MLLT10: variants seen among roughly 807,000 people sequenced by gnomAD.
MLLT10 encodes protein AF-10.
In MLLT10, 30 loss-of-function variants were observed where a neutral mutation model predicts 129.1. The ratio of observed to expected loss-of-function variants is 0.23; its 90% CI spans 0.17 to 0.32. MLLT10 has a LOEUF of 0.32. MLLT10 is among the 10% of genes least tolerant of loss of function. The probability of loss-of-function intolerance (pLI) is 1.00; values close to 1 mark genes in which losing one functional copy is unlikely to be tolerated. For missense variants in MLLT10, 1,119 were observed against 1,268.3 expected (o/e 0.88, Z 1.79); for synonymous variants, 490 against 446.4 (o/e 1.10, Z -1.23).
At chr10:21,702,126 CA>C (rs2054990161) in intron 13 of MLLT10, among the ~76,000 whole-genome samples, 1 of 150,430 alleles carries the variant, frequency 6.6e-6, no homozygotes, top group African/African-American at 2.5e-5. Flanking sequence ...GGGATTTCAC[CA>C]TGTTGGCCAG....
chr10:21,545,583 G>T (rs1472585240), intron 3 of MLLT10, among the ~76,000 whole-genome samples: 1 of 152,120 alleles, frequency 6.6e-6, no homozygotes, highest in Non-Finnish European at 1.5e-5. Flanking sequence ...TTTAAGGGAA[G>T]TTCTTTGTAG....
At chr10:21,549,844 G>A (rs1450281310) in intron 3 of MLLT10, among the ~76,000 whole-genome samples, 4 of 151,744 alleles carry the variant, frequency 2.6e-5, no homozygotes, top group Admixed American at 6.6e-5. Flanking sequence ...TCGCCATGTC[G>A]GCCAGGCTGG....
At chr10:21,604,517 A>G (rs1235866809) in intron 5 of MLLT10, among the ~76,000 whole-genome samples, 2 of 152,224 alleles carry the variant, frequency 1.3e-5, no homozygotes, top group Middle Eastern at 3.4e-3. Flanking sequence ...TGAAGCTGGG[A>G]GGCAGAGGTT....
chr10:21,612,753 G>C (rs1163535246), intron 6 of MLLT10, among the ~76,000 whole-genome samples: 1 of 152,156 alleles, frequency 6.6e-6, no homozygotes, highest in Non-Finnish European at 1.5e-5. Flanking sequence ...GATTAAATGA[G>C]CTAATCTAGG....
In MLLT10 at chr10:21,730,934, C is replaced by T. The variant is rs1270317787; in HGVS notation, c.2098C>T (p.Gln700Ter). ...AAGCAGCTTACAGATTCGCTATGAT[C>T]AACCAGGCAACAGCAGTTTGGAAAA... Reference protein sequence around the residue: ...PVSSLQIRYDQPGNSSLENLP... With the variant: ...PVSSLQIRYD The change falls in exon 17 of 23, where the codon CAA (glutamine) becomes TAA (stop). Residue 700 changes from glutamine (Q) to a stop codon, truncating the protein, a stop_gained. Coordinates refer to ENST00000307729, the MANE Select transcript of MLLT10 (RefSeq NM_001195626.3). LOFTEE classifies it high-confidence loss of function. 6.2e-7 allele frequency: 1 copy of T among 1,614,034 alleles called. No individual in the cohort carries two copies. Among genetic ancestry groups the T allele is most frequent in the Non-Finnish European group, 8.5e-7 (1 of 1,180,038 alleles).
At chr10:21,696,210 T>A (rs1034747616) in intron 13 of MLLT10, among the ~76,000 whole-genome samples, 2 of 152,030 alleles carry the variant, frequency 1.3e-5, no homozygotes, top group South Asian at 2.1e-4. Context: ...TTGATTATTA[T>A]TATTTTTTTT....
intron 4 of MLLT10, among the ~76,000 whole-genome samples, chr10:21,591,321 C>A (rs1240812558): frequency 6.6e-6 from 1 of 152,086 alleles, no homozygotes; most frequent in African/African-American, 2.4e-5. Flanking sequence ...AACCACTGTC[C>A]CCAGCCTATG....
intron 8 of MLLT10, among the ~76,000 whole-genome samples, chr10:21,623,433 T>G (rs570747625): frequency 2.0e-5 from 3 of 152,308 alleles, no homozygotes; most frequent in African/African-American, 7.2e-5. Context: ...AATCTGAGAA[T>G]AAGACCAAAT....
intron 1 of MLLT10, 25 bp downstream of exon 1, chr10:21,534,545 C>T (rs2033442536): frequency 1.5e-6 from 2 of 1,334,424 alleles, no homozygotes; most frequent in Non-Finnish European, 1.0e-6. Flanking sequence ...GGCTGCCGGG[C>T]CGGGCGGGGG....
Position 21,580,534 on chromosome 10 carries a change from G to A in MLLT10, c.241-5760G>A, listed in dbSNP as rs373802970. Among the ~76,000 whole-genome samples, 4 of 151,788 alleles carry A rather than the reference G, an allele frequency of 2.6e-5. No homozygotes were observed. The South Asian group carries it at 6.2e-4, about 24-fold the overall frequency. On this transcript the variant is annotated intron_variant, in intron 3 of 22. Coordinates refer to ENST00000307729, the MANE Select transcript of MLLT10 (RefSeq NM_001195626.3). Reference sequence around the variant, plus strand: ...TTCCTGAGTAGTGGGGACTACAGGCGCCCGCCACCACGCCTGGCTAACTTT... The same window carrying A: ...TTCCTGAGTAGTGGGGACTACAGGCACCCGCCACCACGCCTGGCTAACTTT...
Position 21,534,515 on chromosome 10 carries a change from G to C in MLLT10, c.-6G>C. On this transcript the variant is annotated 5_prime_UTR_variant, in exon 1 of 23. Transcript: ENST00000307729. Reference sequence around the variant, plus strand: ...GGAACGTGAGTGACTGAGCGGCAAAGCCCGAGTGAGCGAGCGGTGGGCTGC... The same window carrying C: ...GGAACGTGAGTGACTGAGCGGCAAACCCCGAGTGAGCGAGCGGTGGGCTGC... The C allele has an allele frequency of 1.0e-6, 1 of 988,324 alleles. No homozygotes were observed. The allele number at this position is 988,324 out of a possible 1,614,324, so 61.2% of individuals were successfully genotyped here.
chr10:21,669,065 G>GT, intron 9 of MLLT10: 1 of 1,357,552 alleles, frequency 7.4e-7, no homozygotes, highest in South Asian at 1.2e-5. Flanking sequence ...AAGCCATGAA[G>GT]TTTCATCAGC....
chr10:21,648,020 T>C (rs1248111497), intron 8 of MLLT10, among the ~76,000 whole-genome samples: 2 of 152,202 alleles, frequency 1.3e-5, no homozygotes, highest in African/African-American at 4.8e-5. Flanking sequence ...TTTTATTTTG[T>C]CTAAGATATT....
intron 8 of MLLT10, among the ~76,000 whole-genome samples, chr10:21,648,525 A>G (rs2048728275): frequency 6.6e-6 from 1 of 152,240 alleles, no homozygotes; most frequent in South Asian, 2.1e-4. Flanking sequence ...ACCTTGAAGA[A>G]CAAAGCCCAG....
chr10:21,589,673 T>C (rs1010011448), intron 4 of MLLT10, among the ~76,000 whole-genome samples: 18 of 152,324 alleles, frequency 1.2e-4, no homozygotes, highest in Middle Eastern at 3.4e-3. Context: ...ATTTTTGTCA[T>C]GTACTTTCAT....
intron 3 of MLLT10, among the ~76,000 whole-genome samples, chr10:21,583,668 C>T (rs1162347946): frequency 6.6e-6 from 1 of 152,100 alleles, no homozygotes; most frequent in Non-Finnish European, 1.5e-5. Context: ...AGCAAGGTGG[C>T]AGGCTCTTTT....
intron 9 of MLLT10, among the ~76,000 whole-genome samples, chr10:21,658,708 A>G (rs889927209): frequency 4.6e-5 from 7 of 152,174 alleles, no homozygotes; most frequent in African/African-American, 1.7e-4. Flanking sequence ...TCTGTCGCCC[A>G]GGCTGGAGTG....
At chr10:21,631,553 A>G (rs992007805) in intron 8 of MLLT10, among the ~76,000 whole-genome samples, 34 of 152,060 alleles carry the variant, frequency 2.2e-4, no homozygotes, top group African/African-American at 8.2e-4. Context: ...TAGTTGACCC[A>G]CAGTTCTGCA....
At chr10:21,541,100 C>T (rs1312811923) in intron 3 of MLLT10, among the ~76,000 whole-genome samples, 3 of 152,030 alleles carry the variant, frequency 2.0e-5, no homozygotes, top group Non-Finnish European at 4.4e-5. Context: ...GCAGAGGTTC[C>T]AGTGAGCTGA....
Sources: gnomAD v4.1 joint callset for allele counts (sites outside exome capture counted in the v4.1 genomes callset) on GRCh38, gnomAD v4.1.1 for gene constraint, MANE v1.5 for transcripts, NCBI Gene and HGNC (gene_info 2026-07-23, HGNC 2026-07-21) for gene names.